The following FHIT variants were observed in gnomAD, a reference collection of about 807,000 sequenced individuals.
The protein encoded by FHIT is fragile histidine triad diadenosine triphosphatase, also known as bis(5'-adenosyl)-triphosphatase.
FHIT carries 19 observed loss-of-function variants against 17.9 expected under a neutral mutation model. The ratio of observed to expected loss-of-function variants is 1.06; its 90% CI spans 0.74 to 1.56. FHIT has a LOEUF of 1.56. FHIT is among the 40% of genes most tolerant of loss of function. FHIT has a pLI of 0.00. For synonymous variants in FHIT, 81 were observed against 69.7 expected, an observed-to-expected ratio of 1.16 and a Z score of -0.81; for missense variants, 248 against 189.2, an observed-to-expected ratio of 1.31 and a Z score of -1.82.
At position 60,860,535 on chromosome 3, in the gene FHIT, GGTATATATGATACATATGTATCATATAT is replaced by G. The variant is rs1703692295; in HGVS notation, c.-110-38552_-110-38525del. The stretch of plus-strand genomic sequence containing the variant: ...TGATACATATGTATCATATATATCA[GGTATATATGATACATATGTATCATATAT>G]CAGGTATATATGATACATATGTATC... On this transcript the variant is annotated intron_variant, in intron 3 of 9. Coordinates refer to ENST00000492590, the MANE Select transcript of FHIT (RefSeq NM_002012.4). 1.4e-4 allele frequency among the ~76,000 whole-genome samples: 4 copies of G among 27,626 alleles called. 1 individual carries two copies. Among genetic ancestry groups the G allele is most frequent in the Non-Finnish European group, 4.3e-4 (4 of 9,320 alleles). 18.1% of individuals were successfully genotyped at this position (27,626 alleles called of 152,430 possible).
intron 3 of FHIT, among the ~76,000 whole-genome samples, chr3:60,929,431 C>T (rs530148866): frequency 6.4e-4 from 98 of 152,216 alleles, no homozygotes; most frequent in Non-Finnish European, 1.1e-3. Flanking sequence ...TGTCCCTGTT[C>T]GCAGATGACA....
At chr3:59,964,252 G>C (rs1707820139) in intron 7 of FHIT, among the ~76,000 whole-genome samples, 1 of 152,076 alleles carries the variant, frequency 6.6e-6, no homozygotes, top group Non-Finnish European at 1.5e-5. Context: ...CCTTTGCATG[G>C]AGGTATGAAA....
chr3:59,952,359 G>A (rs1707160241), intron 7 of FHIT, among the ~76,000 whole-genome samples: 1 of 152,152 alleles, frequency 6.6e-6, no homozygotes, highest in African/African-American at 2.4e-5. Context: ...CCCAGACACA[G>A]TGGGTTGGAG....
chr3:61,209,615 G>A (rs2039385964), intron 1 of FHIT, among the ~76,000 whole-genome samples: 1 of 152,082 alleles, frequency 6.6e-6, no homozygotes, highest in African/African-American at 2.4e-5. Context: ...GGCTACTGAG[G>A]CTTGTGCGTT....
intron 4 of FHIT, among the ~76,000 whole-genome samples, chr3:60,735,693 T>A (rs1253283262): frequency 4.6e-5 from 7 of 152,184 alleles, no homozygotes; most frequent in Non-Finnish European, 1.0e-4. Context: ...AGAAGCTGCA[T>A]CCAATCATTC....
chr3:60,400,185 G>A (rs1251169390), intron 5 of FHIT, among the ~76,000 whole-genome samples: 1 of 152,216 alleles, frequency 6.6e-6, no homozygotes, highest in South Asian at 2.1e-4. Flanking sequence ...GACATGAGTT[G>A]GAATCTGTAG....
At chr3:59,885,917 T>C (rs940359892) in intron 8 of FHIT, among the ~76,000 whole-genome samples, 1 of 152,336 alleles carries the variant, frequency 6.6e-6, no homozygotes, top group Non-Finnish European at 1.5e-5. Flanking sequence ...TGCTAGTTTT[T>C]CTTGAAATGT....
intron 4 of FHIT, among the ~76,000 whole-genome samples, chr3:60,684,937 T>C (rs547654394): frequency 4.8e-4 from 73 of 152,242 alleles, no homozygotes; most frequent in African/African-American, 1.6e-3. Context: ...ACAAAAAATA[T>C]ACTCTGAGCT....
At chr3:60,014,671 T>C (rs1473292737) in intron 5 of FHIT, among the ~76,000 whole-genome samples, 5 of 152,224 alleles carry the variant, frequency 3.3e-5, no homozygotes, top group Admixed American at 2.0e-4. Flanking sequence ...TAAAAGAGTA[T>C]AGACATTCTG....
At chr3:60,647,909 A>G (rs879947680) in intron 4 of FHIT, among the ~76,000 whole-genome samples, 1 of 152,228 alleles carries the variant, frequency 6.6e-6, no homozygotes, top group Non-Finnish European at 1.5e-5. Flanking sequence ...AACAGCAAAT[A>G]TTATAATCAA....
intron 3 of FHIT, among the ~76,000 whole-genome samples, chr3:60,969,235 T>G (rs1043721950): frequency 6.6e-6 from 1 of 152,122 alleles, no homozygotes; most frequent in Non-Finnish European, 1.5e-5. Context: ...TCCCTAAAAA[T>G]ATATCAAATT....
chr3:60,093,756 T>C (rs186850465), intron 5 of FHIT, among the ~76,000 whole-genome samples: 281 of 152,306 alleles, frequency 1.8e-3, no homozygotes, highest in Middle Eastern at 3.4e-3. Flanking sequence ...GAGAATTTAA[T>C]GCCTAATGAT....
chr3:60,470,848 C>T (rs1344783999), intron 5 of FHIT, among the ~76,000 whole-genome samples: 1 of 152,180 alleles, frequency 6.6e-6, no homozygotes, highest in African/African-American at 2.4e-5. Flanking sequence ...GGCTCTGAGT[C>T]TCACTCAAGG....
At chr3:60,033,622 CT>C (rs1701093132) in intron 5 of FHIT, among the ~76,000 whole-genome samples, 1 of 151,674 alleles carries the variant, frequency 6.6e-6, no homozygotes, top group Non-Finnish European at 1.5e-5. Context: ...GAAAATACTT[CT>C]AGCAATTGCC....
chr3:60,042,205 G>A (rs955664707), intron 5 of FHIT, among the ~76,000 whole-genome samples: 1 of 152,192 alleles, frequency 6.6e-6, no homozygotes, highest in African/African-American at 2.4e-5. Context: ...GCAGCTCCCT[G>A]TTCTCCTCAG....
intron 8 of FHIT, among the ~76,000 whole-genome samples, chr3:59,790,506 T>TTCTCTC (rs574974245): frequency 4.0e-5 from 6 of 150,562 alleles, no homozygotes; most frequent in African/African-American, 1.2e-4. Flanking sequence ...CTCTCTCTCT[T>TTCTCTC]TCTCTCTCTC....
At chr3:60,746,220 A>G (rs1248122550) in intron 4 of FHIT, among the ~76,000 whole-genome samples, 1 of 152,208 alleles carries the variant, frequency 6.6e-6, no homozygotes, top group Non-Finnish European at 1.5e-5. Flanking sequence ...GCAGCAAAAG[A>G]CAAAGGTTTC....
chr3:60,486,928 TCAA>T (rs2033868235), intron 5 of FHIT, among the ~76,000 whole-genome samples: 1 of 152,168 alleles, frequency 6.6e-6, no homozygotes, highest in African/African-American at 2.4e-5. Context: ...TGTCAATTTT[TCAA>T]CAACTTTGGG....
intron 4 of FHIT, chr3:60,616,810 G>T (rs1380034821): frequency 6.6e-6 from 1 of 152,156 alleles, no homozygotes; most frequent in Admixed American, 6.5e-5. Flanking sequence ...CAAAGTAAAA[G>T]CCATCTACGG....
Sources: gnomAD v4.1 joint callset for allele counts (sites outside exome capture counted in the v4.1 genomes callset) on GRCh38, gnomAD v4.1.1 for gene constraint, MANE v1.5 for transcripts, NCBI Gene and HGNC (gene_info 2026-07-23, HGNC 2026-07-21) for gene names.